The following IRF7 variants were observed in gnomAD, a reference collection of about 807,000 sequenced individuals.
IRF7 encodes the protein interferon regulatory factor 7.
In IRF7, 67 loss-of-function variants were observed where a neutral mutation model predicts 51.3. That is an observed-to-expected ratio of 1.31 (90% CI 1.07 to 1.60). The LOEUF (loss-of-function observed/expected upper bound fraction) is 1.60, where lower values mean the gene tolerates loss of function less well. Among genes scored for constraint, IRF7 ranks in the 40% most tolerant of loss-of-function variants. IRF7 has a pLI of 0.00. For missense variants in IRF7, 873 were observed against 701.5 expected (o/e 1.24, Z -2.76); for synonymous variants, 427 against 301.3 (o/e 1.42, Z -4.32).
At position 614,443 on chromosome 11, in the gene IRF7, G is replaced by A. The variant is rs559862829; in HGVS notation, c.453+33C>T. ...GTGAACGTAAGCAGCTCCGCGGCCT[G>A]GCAGGAGGAGAGGCAGGCAGAGAGA... On this transcript the variant is annotated intron_variant, in intron 5 of 10. Coordinates refer to ENST00000525445, the MANE Select transcript of IRF7 (RefSeq NM_001572.5). The A allele has an allele frequency of 5.7e-6, 9 of 1,577,424 alleles. No homozygotes were observed. In the East Asian group the frequency reaches 1.4e-4, roughly 24 times the overall value.
In IRF7 at chr11:614,479, T is replaced by C. The variant is rs1162578111; in HGVS notation, c.450A>G (p.Pro150=). The C allele has an allele frequency of 6.4e-7, 1 of 1,565,850 alleles. No individual in the cohort carries two copies. Among genetic ancestry groups the C allele is most frequent in the Non-Finnish European group, 8.7e-7 (1 of 1,155,060 alleles). The change falls in exon 5 of 11, where the codon CCA becomes CCG. Residue 150 remains proline, a synonymous_variant. Coordinates refer to ENST00000525445, the MANE Select transcript of IRF7 (RefSeq NM_001572.5). The part of the protein sequence containing the change: ...EAEAPAAVPP[P]QGGPPGPFLA... ...AGGCAGGCAGAGAGAAGGGTACCTG[T>C]GGTGGTGGGACAGCTGCGGGGGCCT...
At position 613,343 on chromosome 11, in the gene IRF7, C is replaced by T; in HGVS notation, c.1100G>A (p.Trp367Ter). 1.2e-6 allele frequency: 2 copies of T among 1,611,650 alleles called. No homozygotes were observed. The highest frequency in any genetic ancestry group is 1.7e-6 in the Non-Finnish European group (2 of 1,179,570). The stretch of plus-strand genomic sequence containing the variant: ...CTTGCACTTGCCCATGCGCCGGGCC[C>T]ACAGCTGTGGCCCCCGAAGCTCCAG... ...LHLELRGPQL[W>*]ARRMGKCKVY... is the part of the protein sequence containing the mutation. Residue 367 changes from tryptophan to a stop codon, truncating the protein, a stop_gained, in exon 9 of 11, where the codon TGG (tryptophan) becomes TAG (stop). Transcript: ENST00000525445. LOFTEE classifies it high-confidence loss of function.
Position 613,682 on chromosome 11 carries a change from CGG to C in IRF7, c.848-89_848-88del, listed in dbSNP as rs1281655006. 3.9e-5 allele frequency: 6 copies of C among 154,290 alleles called. No homozygotes were observed. The East Asian group carries it at 8.8e-4, about 23-fold the overall frequency. The allele number at this position is 154,290 out of a possible 1,614,324, so 9.6% of individuals were successfully genotyped here. A position where few individuals can be genotyped will look rare whatever the true frequency, so the allele number is the denominator to read the frequency against. On this transcript the variant is annotated intron_variant, in intron 8 of 10. Coordinates refer to ENST00000525445, the MANE Select transcript of IRF7 (RefSeq NM_001572.5). ...GTGGGCGGGGACAGGATGTGAGTGA[CGG>C]GGGTGGGCGGGGACAGGATGTGAGT...
rs142523418 is a variant in IRF7, at chr11:613,102, C to T, written c.1253G>A (p.Arg418Gln). ...RVFFQELVEF[R>Q]ARQRRGSPRY... ...TGGGGAGCCACGGCGCTGCCGTGCC[C>T]GGAATTCCACCAGCTCTGAAGAAGG... Residue 418 changes from arginine to glutamine, a missense_variant, in exon 10 of 11, where the codon CGG becomes CAG. Arg to Gln is a conservative substitution (Grantham distance 43, BLOSUM62 1). Coordinates refer to ENST00000525445, the MANE Select transcript of IRF7 (RefSeq NM_001572.5). The T allele has an allele frequency of 8.4e-5, 136 of 1,612,960 alleles. No homozygotes were observed. The highest frequency in any genetic ancestry group is 1.0e-4 in the Non-Finnish European group (123 of 1,179,924).
At chr11:612,907 C>T in intron 10 of IRF7, 92 bp downstream of exon 10, 1 of 1,584,110 alleles carries the variant, frequency 6.3e-7, no homozygotes, top group South Asian at 1.1e-5. Flanking sequence ...GGTGTATGGC[C>T]TCCCCTCCCC....
In IRF7 at chr11:615,260, C is replaced by T; in HGVS notation, c.21-1G>A. The T allele has an allele frequency of 6.3e-7, 1 of 1,580,616 alleles. No individual in the cohort carries two copies. The highest frequency in any genetic ancestry group is 8.6e-7 in the Non-Finnish European group (1 of 1,167,750). ...TCCGAACAGCACGCGTGGGGCTGCCCTGCGGGTGCCCGGCCGCGGAGAGTC... is the reference window on the plus strand; with the variant it reads ...TCCGAACAGCACGCGTGGGGCTGCCTTGCGGGTGCCCGGCCGCGGAGAGTC... On this transcript the variant is annotated splice_acceptor_variant, in intron 2 of 10. Coordinates refer to ENST00000525445, the MANE Select transcript of IRF7 (RefSeq NM_001572.5). LOFTEE classifies it high-confidence loss of function.
In IRF7 at chr11:614,359, C is replaced by G. The variant is rs768564343; in HGVS notation, c.494G>C (p.Gly165Ala). 3.1e-6 allele frequency: 5 copies of G among 1,609,400 alleles called. No homozygotes were observed. The Admixed American group carries it at 8.4e-5, about 27-fold the overall frequency. ...PGPFLAHTHA[G>A]LQAPGPLPAP... ...AGGGAGGGGGCCTGGGGCTTGGAGT[C>G]CAGCATGTGTGTGTGCCAGGAATGG... Residue 165 changes from glycine to alanine, a missense_variant, in exon 6 of 11, where the codon GGA becomes GCA. By Grantham distance (60) the Gly-to-Ala change is moderately conservative (BLOSUM62 0). Coordinates refer to ENST00000525445, the MANE Select transcript of IRF7 (RefSeq NM_001572.5).
At position 615,122 on chromosome 11, in the gene IRF7, C is replaced by T. The variant is rs1308688027; in HGVS notation, c.158G>A (p.Ser53Asn). 1.9e-6 allele frequency: 3 copies of T among 1,599,550 alleles called. No individual in the cohort carries two copies. The highest frequency in any genetic ancestry group is 2.5e-6 in the Non-Finnish European group (3 of 1,178,018). The change falls in exon 3 of 11, where the codon AGC (serine) becomes AAC (asparagine). Residue 53 changes from serine (S) to asparagine (N), a missense_variant. Coordinates refer to ENST00000525445, the MANE Select transcript of IRF7 (RefSeq NM_001572.5). ...PWKHFARKDL[S>N]EADARIFKAW... ...CTTGAAGATGCGCGCGTCGGCCTCG[C>T]TCAGGTCCTTGCGCGCGAAGTGCTT... is the stretch of plus-strand genomic sequence containing the variant.
Position 612,983 on chromosome 11 carries a change from G to A in IRF7, c.1356+16C>T, listed in dbSNP as rs1856527141. 8.7e-6 allele frequency: 14 copies of A among 1,611,576 alleles called. No individual in the cohort carries two copies. The highest frequency in any genetic ancestry group is 1.1e-5 in the Non-Finnish European group (13 of 1,178,728). On this transcript the variant is annotated intron_variant, in intron 10 of 10. Transcript: ENST00000525445. ...CCTGAGCACATGGCCTCCCCTCCTTGAGGCTCTGGTCTCACCTTCACCAGG... is the reference window on the plus strand; with the variant it reads ...CCTGAGCACATGGCCTCCCCTCCTTAAGGCTCTGGTCTCACCTTCACCAGG...
chr11:613,652 C>T (rs1253608866), intron 8 of IRF7, 57 bp from the exon 9 acceptor site: 137 of 217,182 alleles, frequency 6.3e-4, no homozygotes, highest in Non-Finnish European at 1.0e-3. Flanking sequence ...CTGTGAGTGA[C>T]GGGGGTGGGC....
chr11:613,784 C>G lies in IRF7; in HGVS notation c.847+1G>C, dbSNP rs370669332. The G allele has an allele frequency of 2.6e-6, 4 of 1,555,158 alleles. No homozygotes were observed. The highest frequency in any genetic ancestry group is 1.8e-4 in the Middle Eastern group (1 of 5,622). On this transcript the variant is annotated splice_donor_variant, in intron 8 of 10. Coordinates refer to ENST00000525445, the MANE Select transcript of IRF7 (RefSeq NM_001572.5). LOFTEE classifies it high-confidence loss of function. ...GCTGCCCCTTCCTGGGATGCACTCA[C>G]CTTGCACCGCGGTGCAGGCGCTTGG... is the stretch of plus-strand genomic sequence containing the variant.
rs758655025 is a variant in IRF7 at position 613,861 on chromosome 11, C to T, written c.771G>A (p.Glu257=). The T allele has an allele frequency of 3.1e-6, 5 of 1,599,118 alleles. No homozygotes were observed. The highest frequency in any genetic ancestry group is 4.3e-6 in the Non-Finnish European group (5 of 1,174,198). ...GPQPAALTTG[E]AAAPESPHQA... is the part of the protein sequence containing the mutation. ...GGTGCGGGGACTCTGGGGCCGCGGC[C>T]TCGCCTGCATCCGGAAGGGAATCCT... Residue 257 remains glutamate (E), a synonymous_variant, in exon 8 of 11, where the codon GAG becomes GAA. Coordinates refer to ENST00000525445, the MANE Select transcript of IRF7 (RefSeq NM_001572.5).
At position 613,576 on chromosome 11, in the gene IRF7, C is replaced by T. The variant is rs1261052988; in HGVS notation, c.867G>A (p.Leu289=). The T allele has an allele frequency of 5.1e-6, 8 of 1,572,890 alleles. No individual in the cohort carries two copies. The highest frequency in any genetic ancestry group is 1.4e-5 in the African/African-American group (1 of 73,202). ...TAVQEPSPGA[L]DVTIMYKGRT... ...GGCCCTTGTACATGATGGTCACGTC[C>T]AGCGCCCCTGGGCTGGGCTCTGTGT... is the stretch of plus-strand genomic sequence containing the variant. Residue 289 remains leucine, a synonymous_variant, in exon 9 of 11, where the codon CTG becomes CTA. Transcript: ENST00000525445.
At position 613,430 on chromosome 11, in the gene IRF7, G is replaced by C. The variant is rs1856566388; in HGVS notation, c.1013C>G (p.Pro338Arg). Reference protein sequence around the residue: ...QVAFPSPAELPDQKQLRYTEE... With the variant: ...QVAFPSPAELRDQKQLRYTEE... ...CGTGTAGCGCAGCTGCTTCTGGTCC[G>C]GGAGCTCGGCAGGGCTGGGGAATGC... Residue 338 changes from proline (P) to arginine (R), a missense_variant, in exon 9 of 11, where the codon CCG becomes CGG. Transcript: ENST00000525445. The C allele has an allele frequency of 1.3e-6, 2 of 1,562,256 alleles. No homozygotes were observed. The highest frequency in any genetic ancestry group is 1.7e-4 in the Middle Eastern group (1 of 5,836).
In IRF7 at chr11:612,567, C is replaced by T. The variant is rs1856487129; in HGVS notation, c.*78G>A. On this transcript the variant is annotated 3_prime_UTR_variant, in exon 11 of 11. Coordinates refer to ENST00000525445, the MANE Select transcript of IRF7 (RefSeq NM_001572.5). ...AGATGCCAGTACGTGTTCTGGAGTT[C>T]TTTTTATTAGACTGGGCGGCCGCGG... 1 of 1,545,692 alleles carries T rather than the reference C, an allele frequency of 6.5e-7. No individual in the cohort carries two copies. Among genetic ancestry groups the T allele is most frequent in the Admixed American group, 1.7e-5 (1 of 57,646 alleles).
intron 8 of IRF7, 28 bp from the exon 9 acceptor site, chr11:613,623 G>A (rs746120480): frequency 6.9e-7 from 1 of 1,459,496 alleles, no homozygotes; most frequent in South Asian, 1.4e-5. Flanking sequence ...TGTGAGTGAC[G>A]GGGGTGGGCG....
chr11:614,108 T>C, intron 6 of IRF7, 66 bp downstream of exon 6: 1 of 1,581,872 alleles, frequency 6.3e-7, no homozygotes, highest in Non-Finnish European at 8.6e-7. Flanking sequence ...CCAGCCCCCT[T>C]CTAAAGTGTC....
At chr11:615,835 T>G in intron 1 of IRF7, 78 bp downstream of exon 1, 1 of 160,302 alleles carries the variant, frequency 6.2e-6, no homozygotes. Flanking sequence ...CTCTTGGCTC[T>G]ACCCCTCCGG....
chr11:613,067 T>C lies in IRF7; in HGVS notation c.1288A>G (p.Ile430Val), dbSNP rs778988142. Reference sequence around the variant, plus strand: ...AGGTCCTGCCCGAAGCCCAGGTAGATGGTATAGCGTGGGGAGCCACGGCGC... The same window carrying C: ...AGGTCCTGCCCGAAGCCCAGGTAGACGGTATAGCGTGGGGAGCCACGGCGC... Reference protein sequence around the residue: ...RQRRGSPRYTIYLGFGQDLSA... With the variant: ...RQRRGSPRYTVYLGFGQDLSA... The change falls in exon 10 of 11, where the codon ATC (isoleucine) becomes GTC (valine). Residue 430 changes from isoleucine (I) to valine (V), a missense_variant. Transcript: ENST00000525445. The C allele has an allele frequency of 1.2e-6, 2 of 1,613,048 alleles. No individual in the cohort carries two copies. Among genetic ancestry groups the C allele is most frequent in the Admixed American group, 1.7e-5 (1 of 60,010 alleles).
Sources: allele counts gnomAD v4.1 joint callset, GRCh38; gene constraint gnomAD v4.1.1; transcripts MANE v1.5; gene names NCBI Gene and HGNC (gene_info 2026-07-23, HGNC 2026-07-21).